The following TEX29 variants were observed in gnomAD, a reference collection of about 807,000 sequenced individuals.
TEX29 encodes the protein testis-expressed protein 29.
TEX29 carries 26 observed loss-of-function variants against 18.2 expected under a neutral mutation model. The observed-to-expected ratio is 1.43, with a 90% CI of 1.04 to 1.98. The LOEUF is 1.98. Ranked by LOEUF, TEX29 falls within the 30% of genes most tolerant of loss-of-function variation. The pLI, the probability that TEX29 is intolerant of heterozygous loss-of-function variation, is 0.00. For missense variants in TEX29, 177 were observed against 194.2 expected (o/e 0.91, Z 0.53); for synonymous variants, 83 against 78.5 (o/e 1.06, Z -0.31).
At chr13:111,320,983 T>TGGGGGGGGGGGGGGGGGGGGGGGG in intron 2 of TEX29, 35 bp downstream of exon 2, 6 of 193,470 alleles carry the variant, frequency 3.1e-5, no homozygotes, top group Admixed American at 1.0e-4. Context: ...GCGGGTGGGG[T>TGGGGGGGGGGGGGGGGGGGGGGGG]GGGGGAGCAG....
intron 3 of TEX29, among the ~76,000 whole-genome samples, chr13:111,330,201 C>T (rs577530491): frequency 3.4e-4 from 52 of 152,304 alleles, no homozygotes; most frequent in African/African-American, 1.1e-3. Context: ...GTCCTACAGA[C>T]GTAAAGCCTT....
chr13:111,340,059 T>C, intron 4 of TEX29, 127 bp downstream of exon 4: 1 of 826,244 alleles, frequency 1.2e-6, no homozygotes, highest in Non-Finnish European at 2.0e-6. Context: ...CAGCTCTCCG[T>C]GAGCCTGGGA....
At chr13:111,325,617 C>G (rs1011750108) in intron 2 of TEX29, among the ~76,000 whole-genome samples, 1 of 152,064 alleles carries the variant, frequency 6.6e-6, no homozygotes, top group African/African-American at 2.4e-5. Flanking sequence ...AATGGAAATG[C>G]GTGAGAGACT....
upstream of TEX29, among the ~76,000 whole-genome samples, chr13:111,319,374 ATAT>A (rs1567155953): frequency 6.6e-6 from 1 of 152,176 alleles, no homozygotes; most frequent in Non-Finnish European, 1.5e-5. Flanking sequence ...CTGCAGTGGG[ATAT>A]TATTCAGTCG....
chr13:111,331,022 G>GT (rs2043213564), intron 3 of TEX29, among the ~76,000 whole-genome samples: 1 of 152,146 alleles, frequency 6.6e-6, no homozygotes, highest in South Asian at 2.1e-4. Context: ...TTGTATATAG[G>GT]TTTTTGTGCA....
chr13:111,326,205 G>T (rs1214230884), intron 2 of TEX29, among the ~76,000 whole-genome samples: 4 of 151,658 alleles, frequency 2.6e-5, no homozygotes, highest in African/African-American at 9.7e-5. Flanking sequence ...GGAGGAGACT[G>T]CGGGCAGTGT....
rs1345945268 is a variant in TEX29 at position 111,320,782 on chromosome 13, C to G, written c.-35+20C>G. 1.4e-6 allele frequency: 2 copies of G among 1,380,852 alleles called. No homozygotes were observed. The highest frequency in any genetic ancestry group is 2.1e-6 in the Non-Finnish European group (2 of 969,386). 85.5% of individuals were successfully genotyped at this position (1,380,852 alleles called of 1,614,324 possible). Reference sequence around the variant, plus strand: ...GCGCAGGTGAGTCGATGAACGCCCCCTCCTGGTGTGAGCCGCCCGCTCCCC... The same window carrying G: ...GCGCAGGTGAGTCGATGAACGCCCCGTCCTGGTGTGAGCCGCCCGCTCCCC... On this transcript the variant is annotated intron_variant, in intron 1 of 5. Coordinates refer to ENST00000283547, the MANE Select transcript of TEX29 (RefSeq NM_152324.3).
chr13:111,331,995 C>T (rs35831357), intron 3 of TEX29, among the ~76,000 whole-genome samples: 9,015 of 152,192 alleles, frequency 0.059, 391 homozygotes, highest in Middle Eastern at 0.14. Flanking sequence ...AGTGCTTCAA[C>T]TTTGTTCTTC....
intron 3 of TEX29, among the ~76,000 whole-genome samples, chr13:111,332,328 A>G (rs886990216): frequency 1.3e-5 from 2 of 151,882 alleles, no homozygotes; most frequent in African/African-American, 4.8e-5. Flanking sequence ...TGTTTTGTTC[A>G]TTTTCAGATT....
intron 2 of TEX29, among the ~76,000 whole-genome samples, chr13:111,323,496 C>T (rs1406607097): frequency 6.6e-6 from 1 of 152,258 alleles, no homozygotes; most frequent in Non-Finnish European, 1.5e-5. Flanking sequence ...TGCTTTTAAA[C>T]TGTGACACAC....
intron 2 of TEX29, among the ~76,000 whole-genome samples, chr13:111,321,655 G>C (rs576096833): frequency 1.3e-5 from 2 of 152,242 alleles, no homozygotes; most frequent in South Asian, 2.1e-4. Flanking sequence ...TCGGATGGGC[G>C]TGGTGGCCTG....
rs919525558 is a variant in TEX29 at position 111,320,708 on chromosome 13, G to A, written c.-89G>A. ...ACCTAAAAGGTGTTTTCCACGTGGA[G>A]TGGGACTGAGAGGCACAGGTGGCTG... On this transcript the variant is annotated 5_prime_UTR_variant, in exon 1 of 6. In the 5' UTR this introduces an upstream ATG that the reference lacks. Transcript: ENST00000283547. 1.4e-6 allele frequency: 1 copy of A among 703,858 alleles called. No homozygotes were observed. The highest frequency in any genetic ancestry group is 1.8e-5 in the African/African-American group (1 of 56,648). 43.6% of individuals were successfully genotyped at this position (703,858 alleles called of 1,614,324 possible).
Position 111,320,879 on chromosome 13 carries a change from T to C in TEX29, c.-12T>C. On this transcript the variant is annotated 5_prime_UTR_variant, in exon 2 of 6. Coordinates refer to ENST00000283547, the MANE Select transcript of TEX29 (RefSeq NM_152324.3). ...CAGGTGTGCTCGGCCCCTTCATCTG[T>C]CAGCTGCAGCAATGGAATACGTGCT... The C allele has an allele frequency of 6.2e-7, 1 of 1,611,364 alleles. No homozygotes were observed. The highest frequency in any genetic ancestry group is 8.5e-7 in the Non-Finnish European group (1 of 1,178,868).
chr13:111,316,244 AC>A (rs780982358), upstream of TEX29: 2 of 505,480 alleles, frequency 4.0e-6, no homozygotes, highest in Non-Finnish European at 7.9e-6. Context: ...ACAGGAAGTA[AC>A]AGTGCAGGCT....
chr13:111,343,813 C>T (rs1189212930), intron 5 of TEX29, among the ~76,000 whole-genome samples: 1 of 152,188 alleles, frequency 6.6e-6, no homozygotes, highest in African/African-American at 2.4e-5. Flanking sequence ...GAGGCTGCGT[C>T]TGTGCAAATG....
chr13:111,339,550 G>T (rs1372596199), intron 3 of TEX29: 46 of 488,118 alleles, frequency 9.4e-5, no homozygotes, highest in African/African-American at 8.6e-4. Flanking sequence ...TGCACTCCCG[G>T]GGGTCAGGAC....
chr13:111,342,812 A>T lies in TEX29; in HGVS notation c.296A>T (p.Gln99Leu), dbSNP rs1215613021. Reference protein sequence around the residue: ...KAIPVDVALPQKSSEKAELAS... With the variant: ...KAIPVDVALPLKSSEKAELAS... ...ATCCCTGTGGATGTCGCGCTGCCAC[A>T]GAAGTCCAGCGAAAAGGCGGAGTTG... The change falls in exon 5 of 6, where the codon CAG (glutamine) becomes CTG (leucine). Residue 99 changes from glutamine to leucine, a missense_variant. Physicochemically the swap from Gln to Leu is moderately radical, Grantham distance 113. Coordinates refer to ENST00000283547, the MANE Select transcript of TEX29 (RefSeq NM_152324.3). 1 of 1,614,034 alleles carries T rather than the reference A, an allele frequency of 6.2e-7. No homozygotes were observed.
intron 3 of TEX29, among the ~76,000 whole-genome samples, chr13:111,334,352 C>CA (rs1254683887): frequency 6.6e-6 from 1 of 152,212 alleles, no homozygotes; most frequent in Non-Finnish European, 1.5e-5. Flanking sequence ...AGCTACTAGA[C>CA]AAAAATTCCT....
intron 3 of TEX29, among the ~76,000 whole-genome samples, chr13:111,333,700 A>G (rs772327010): frequency 3.9e-5 from 6 of 152,322 alleles, no homozygotes; most frequent in East Asian, 1.9e-4. Flanking sequence ...CTGCATGGCT[A>G]GGGAGGCCTC....
Sources: allele counts gnomAD v4.1 joint callset (sites outside exome capture counted in the v4.1 genomes callset), GRCh38; gene constraint gnomAD v4.1.1; transcripts MANE v1.5; gene names NCBI Gene and HGNC (gene_info 2026-07-23, HGNC 2026-07-21).